YEATS2: variants seen among roughly 807,000 people sequenced by gnomAD.
YEATS2 encodes YEATS domain containing 2.
In YEATS2, 77 loss-of-function variants were observed where a neutral mutation model predicts 163.2. The ratio of observed to expected loss-of-function variants is 0.47; its 90% confidence interval spans 0.39 to 0.57. YEATS2 has a LOEUF of 0.57. YEATS2 is among the 20% of genes least tolerant of loss of function. The pLI is 0.00. For missense variants in YEATS2, 1,549 were observed against 1,729.8 expected (o/e 0.90, Z 1.85); for synonymous variants, 631 against 645.1 (o/e 0.98, Z 0.33).
At position 183,812,238 on chromosome 3, in the gene YEATS2, AATTG is replaced by A. The variant is rs1486969293; in HGVS notation, c.*1662_*1665del. The A allele has an allele frequency of 2.0e-5, 3 of 152,374 alleles. No homozygotes were observed. The highest frequency in any genetic ancestry group is 3.9e-4 in the East Asian group (2 of 5,188). The allele number at this position is 152,374 out of a possible 1,614,324, so 9.4% of individuals were successfully genotyped here. ...GTGACAGAGGAGACCCCGTCTCAAA[AATTG>A]ATTGATCAATTCAGCATCTGAGGGC... On this transcript the variant is annotated 3_prime_UTR_variant, in exon 31 of 31. Coordinates refer to ENST00000305135, the MANE Select transcript of YEATS2 (RefSeq NM_018023.5).
chr3:183,730,052 G>GTTTGTTTGTTTTTTTTTTTTT (rs1560244258), intron 7 of YEATS2, among the ~76,000 whole-genome samples: 1 of 41,698 alleles, frequency 2.4e-5, no homozygotes, highest in African/African-American at 8.2e-5. Flanking sequence ...TTTTTTGTTT[G>GTTTGTTTGTTTTTTTTTTTTT]TTTTTTTTTT....
chr3:183,727,951 C>CTT (rs35332732), intron 6 of YEATS2, among the ~76,000 whole-genome samples: 153 of 148,870 alleles, frequency 1.0e-3, no homozygotes, highest in South Asian at 4.0e-3. Flanking sequence ...ACAAGTTTGC[C>CTT]TTTTTTTTTT....
At chr3:183,758,573 G>T (rs1721007688) in intron 12 of YEATS2, among the ~76,000 whole-genome samples, 2 of 152,090 alleles carry the variant, frequency 1.3e-5, no homozygotes, top group Non-Finnish European at 1.5e-5. Flanking sequence ...ACGAGAATAT[G>T]CTACTGTTTA....
rs1013538879 is a variant in YEATS2, at chr3:183,741,311, G to A, written c.924+4482G>A. On this transcript the variant is annotated intron_variant, in intron 8 of 30. Transcript: ENST00000305135. ...AAATCCTAGGGCCCTTAATAATGATGCTAAATCTACTCTGCCTCTGCTTTA... is the reference window on the plus strand; with the variant it reads ...AAATCCTAGGGCCCTTAATAATGATACTAAATCTACTCTGCCTCTGCTTTA... 8.6e-5 allele frequency among the ~76,000 whole-genome samples: 13 copies of A among 151,906 alleles called. No homozygotes were observed. In the South Asian group the frequency reaches 2.5e-3, roughly 29 times the overall value.
chr3:183,778,200 T>C (rs1723206031), intron 19 of YEATS2, among the ~76,000 whole-genome samples: 1 of 146,446 alleles, frequency 6.8e-6, no homozygotes, highest in African/African-American at 2.5e-5. Context: ...TGGGAAAATA[T>C]AAGTAGAATG....
intron 20 of YEATS2, among the ~76,000 whole-genome samples, chr3:183,789,769 G>C (rs531919350): frequency 6.6e-6 from 1 of 151,020 alleles, no homozygotes; most frequent in African/African-American, 2.4e-5. Flanking sequence ...TTGCTCTCCT[G>C]ACCTCGTGAT....
At chr3:183,706,516 G>C (rs1196799402) in intron 1 of YEATS2, among the ~76,000 whole-genome samples, 3 of 152,092 alleles carry the variant, frequency 2.0e-5, no homozygotes, top group African/African-American at 7.2e-5. Flanking sequence ...GGGTGTTTTT[G>C]CAATTGGATA....
intron 1 of YEATS2, among the ~76,000 whole-genome samples, chr3:183,701,071 GTA>G (rs1203758862): frequency 6.8e-5 from 10 of 146,772 alleles, no homozygotes; most frequent in Non-Finnish European, 1.1e-4. Flanking sequence ...GTGTGTGTGT[GTA>G]TATATATATA....
intron 1 of YEATS2, 53 bp downstream of exon 1, chr3:183,698,046 CG>C (rs1174605750): frequency 1.3e-5 from 2 of 152,022 alleles, no homozygotes; most frequent in Non-Finnish European, 2.9e-5. Context: ...CCCCGCTCTC[CG>C]GGGCATTGTT....
At chr3:183,803,956 T>G (rs750084076) in intron 26 of YEATS2, 31 bp from the exon 27 acceptor site, 2 of 1,610,280 alleles carry the variant, frequency 1.2e-6, no homozygotes, top group South Asian at 2.2e-5. Flanking sequence ...AGGATTTGAT[T>G]ATGGTTCCAA....
intron 7 of YEATS2, among the ~76,000 whole-genome samples, chr3:183,732,890 T>A (rs1365008339): frequency 6.6e-6 from 1 of 151,862 alleles, no homozygotes; most frequent in African/African-American, 2.4e-5. Flanking sequence ...GATAAGAGTC[T>A]TGCTCTGGCA....
chr3:183,754,482 T>TCTG, intron 11 of YEATS2, 117 bp downstream of exon 11: 1 of 1,365,912 alleles, frequency 7.3e-7, no homozygotes. Context: ...CAGTGTTATG[T>TCTG]TTAACAAAAG....
chr3:183,714,941 A>C (rs568596945), intron 1 of YEATS2, among the ~76,000 whole-genome samples: 4 of 152,052 alleles, frequency 2.6e-5, no homozygotes, highest in African/African-American at 9.6e-5. Context: ...AAACTTTTAA[A>C]CTTAGGCTTT....
At chr3:183,747,989 C>T (rs895473321) in intron 9 of YEATS2, among the ~76,000 whole-genome samples, 2 of 151,526 alleles carry the variant, frequency 1.3e-5, no homozygotes, top group African/African-American at 4.8e-5. Context: ...AGGTGTGCGC[C>T]ACTGCACCTG....
At chr3:183,809,852 A>G (rs1489555115) in intron 30 of YEATS2, among the ~76,000 whole-genome samples, 3 of 152,258 alleles carry the variant, frequency 2.0e-5, no homozygotes, top group Admixed American at 6.5e-5. Context: ...GCCTGAGGAC[A>G]TGAAGGGCCT....
rs199532046 is a variant in YEATS2 at position 183,804,043 on chromosome 3, G to A, written c.3639G>A (p.Pro1213=). The change falls in exon 27 of 31, where the codon CCG becomes CCA. Residue 1213 remains proline, a synonymous_variant. Coordinates refer to ENST00000305135, the MANE Select transcript of YEATS2 (RefSeq NM_018023.5). ...KVLQEILEKN[P]RFHHLTPLKT... ...TACAAGAAATCCTGGAGAAGAATCC[G>A]AGATTTCACCACCTGACTCCCCTCA... 124 of 1,613,942 alleles carry A rather than the reference G, an allele frequency of 7.7e-5. 1 individual carries two copies. The Middle Eastern group carries it at 4.3e-3, about 56-fold the overall frequency.
At chr3:183,700,048 A>G (rs1447084713) in intron 1 of YEATS2, among the ~76,000 whole-genome samples, 1 of 152,068 alleles carries the variant, frequency 6.6e-6, no homozygotes, top group Non-Finnish European at 1.5e-5. Flanking sequence ...ATTGATTACT[A>G]GTATGTTTGA....
At chr3:183,808,462 C>T (rs1327415788) in intron 29 of YEATS2, among the ~76,000 whole-genome samples, 4 of 152,162 alleles carry the variant, frequency 2.6e-5, no homozygotes, top group South Asian at 2.1e-4. Context: ...ACGAAAATGC[C>T]GCAGCCTCCT....
intron 15 of YEATS2, among the ~76,000 whole-genome samples, chr3:183,771,136 T>TA (rs1408395446): frequency 2.0e-5 from 3 of 152,244 alleles, no homozygotes; most frequent in Non-Finnish European, 4.4e-5. Flanking sequence ...TTTATCTTCC[T>TA]ACCAACAGTG....
Sources: allele counts gnomAD v4.1 joint callset (sites outside exome capture counted in the v4.1 genomes callset), GRCh38; gene constraint gnomAD v4.1.1; transcripts MANE v1.5; gene names NCBI Gene and HGNC (gene_info 2026-07-23, HGNC 2026-07-21).